The following IL17REL variants were observed in gnomAD, a reference collection of about 807,000 sequenced individuals.
The protein encoded by IL17REL is interleukin-17 receptor E-like protein.
In IL17REL, 36 loss-of-function variants were observed where a neutral mutation model predicts 49.0. The observed-to-expected ratio is 0.73, with a 90% CI of 0.56 to 0.97. IL17REL has a LOEUF of 0.97. Ranked by LOEUF, IL17REL falls within the 50% of genes least tolerant of loss-of-function variation. The pLI, the probability that IL17REL is intolerant of heterozygous loss-of-function variation, is 0.00. For synonymous variants in IL17REL, 206 were observed against 192.4 expected (o/e 1.07, Z -0.58); for missense variants, 470 against 453.9 (o/e 1.04, Z -0.32).
exon 5 of IL17REL, chr22:49,999,837 G>A: frequency 1.3e-6 from 2 of 1,518,102 alleles, no homozygotes; most frequent in Non-Finnish European, 8.8e-7. Context: ...CTCGCACAGG[G>A]GCGCCGGCGT....
At position 49,998,181 on chromosome 22, in the gene IL17REL, CG is replaced by C; in HGVS notation, c.729del (p.Gly244AlafsTer29). 10 of 1,610,354 alleles carry C rather than the reference CG, an allele frequency of 6.2e-6. No individual in the cohort carries two copies. The highest frequency in any genetic ancestry group is 8.5e-6 in the Non-Finnish European group (10 of 1,178,932). ...CTGGATTGCTGCAGCTTACGGCAGC[CG>C]GCCCCCGGCCCCGGGCGCCAGCACA... On this transcript the variant is annotated frameshift_variant, in exon 8 of 13. Coordinates refer to ENST00000341280, the Ensembl canonical transcript of IL17REL. LOFTEE classifies it high-confidence loss of function.
At chr22:50,000,440 GA>G (rs754957736) in intron 4 of IL17REL, 37 bp downstream of exon 5, 49 of 1,507,384 alleles carry the variant, frequency 3.3e-5, no homozygotes, top group Non-Finnish European at 4.1e-5. Context: ...CCTGGAGGCT[GA>G]ACGGTAGCTG....
At chr22:49,992,532 A>G (rs912469679), downstream of IL17REL, among the ~76,000 whole-genome samples, 4 of 152,188 alleles carry the variant, frequency 2.6e-5, no homozygotes, top group Admixed American at 6.5e-5. Context: ...GGCTCAAACA[A>G]TCCTCCTGCC....
chr22:50,011,802 C>T (rs545538160), upstream of IL17REL, among the ~76,000 whole-genome samples: 1 of 152,360 alleles, frequency 6.6e-6, no homozygotes, highest in East Asian at 1.9e-4. Context: ...CTGGACCCGT[C>T]TCAGGCCCTG....
chr22:49,999,893 G>A, exon 5 of IL17REL: 2 of 1,542,088 alleles, frequency 1.3e-6, no homozygotes, highest in Middle Eastern at 3.7e-4. Context: ...TAGTAGTCGG[G>A]GCTCCCGGAG....
intron 1 of IL17REL, among the ~76,000 whole-genome samples, chr22:50,004,643 C>T (rs1371816737): frequency 2.1e-4 from 31 of 151,208 alleles, no homozygotes; most frequent in East Asian, 1.6e-3. Context: ...GGCAGATCAC[C>T]AGAGGTCAGG....
chr22:49,997,299 A>G, intron 11 of IL17REL, 21 bp downstream of exon 13: 2 of 1,607,888 alleles, frequency 1.2e-6, no homozygotes, highest in Non-Finnish European at 8.5e-7. Context: ...CCCAGGATGG[A>G]GCCCCACTCT....
In IL17REL at chr22:49,999,279, C is replaced by T. The variant is rs1417648555; in HGVS notation, c.601+12G>A. ...CCCACCCTTCCGCCCGTTGGCATCGCAGGACACTTGCCGTTTTCAAAGGGG... is the reference window on the plus strand; with the variant it reads ...CCCACCCTTCCGCCCGTTGGCATCGTAGGACACTTGCCGTTTTCAAAGGGG... On this transcript the variant is annotated intron_variant, in intron 7 of 12. Transcript: ENST00000341280. 3.1e-6 allele frequency: 5 copies of T among 1,612,914 alleles called. No homozygotes were observed. Among genetic ancestry groups the T allele is most frequent in the Admixed American group, 1.7e-5 (1 of 60,016 alleles).
chr22:50,000,680 G>A (rs1569209850), intron 3 of IL17REL, 74 bp downstream of exon 4: 8 of 1,543,078 alleles, frequency 5.2e-6, no homozygotes, highest in Admixed American at 3.5e-5. Context: ...GGAGCTTAGA[G>A]CCAGGGATGG....
chr22:49,992,320 G>A (rs139833848), downstream of IL17REL, among the ~76,000 whole-genome samples: 36 of 152,312 alleles, frequency 2.4e-4, no homozygotes, highest in East Asian at 5.0e-3. Flanking sequence ...CTGCTCTTCC[G>A]TGAGGCAGTC....
At chr22:50,009,813 T>C (rs531111340), upstream of IL17REL, among the ~76,000 whole-genome samples, 6 of 152,192 alleles carry the variant, frequency 3.9e-5, no homozygotes, top group African/African-American at 1.4e-4. Flanking sequence ...GGAATATGTT[T>C]AGATTTACAG....
chr22:50,008,382 A>G (rs992309874), intron 1 of IL17REL, among the ~76,000 whole-genome samples: 1 of 152,192 alleles, frequency 6.6e-6, no homozygotes, highest in Non-Finnish European at 1.5e-5. Flanking sequence ...GCAACGAGGC[A>G]TTGTGCGTTA....
intron 1 of IL17REL, among the ~76,000 whole-genome samples, chr22:50,002,971 A>T (rs997618375): frequency 3.9e-5 from 6 of 152,226 alleles, no homozygotes; most frequent in African/African-American, 1.4e-4. Flanking sequence ...AAACGGCCAC[A>T]GTGAGCTCTG....
intron 1 of IL17REL, among the ~76,000 whole-genome samples, chr22:50,004,633 GGC>G (rs1185994316): frequency 2.2e-4 from 34 of 152,024 alleles, no homozygotes; most frequent in East Asian, 1.7e-3. Context: ...GGCCGAGGAG[GGC>G]AGATCACCAG....
intron 1 of IL17REL, among the ~76,000 whole-genome samples, chr22:50,003,184 G>A (rs1288932099): frequency 6.6e-6 from 1 of 152,192 alleles, no homozygotes; most frequent in African/African-American, 2.4e-5. Flanking sequence ...ATGAACACAG[G>A]CATGTGAGGG....
At chr22:50,000,442 A>G (rs1177731888) in intron 4 of IL17REL, 36 bp downstream of exon 5, 3 of 1,515,500 alleles carry the variant, frequency 2.0e-6, no homozygotes, top group South Asian at 1.1e-5. Context: ...TGGAGGCTGA[A>G]CGGTAGCTGT....
upstream of IL17REL, among the ~76,000 whole-genome samples, chr22:50,010,001 TCA>T (rs2061130180): frequency 6.6e-6 from 1 of 152,298 alleles, no homozygotes; most frequent in African/African-American, 2.4e-5. Flanking sequence ...TGGTGTGGAA[TCA>T]CGTGCTACTA....
rs398121907 is a variant in IL17REL at position 50,007,544 on chromosome 22, T to TG, written c.-42+1092dup. Among the ~76,000 whole-genome samples the TG allele has an allele frequency of 7.6e-3, 1,145 of 150,172 alleles. 15 individuals are homozygous for TG. Among genetic ancestry groups the TG allele is most frequent in the African/African-American group, 0.025 (1,005 of 40,790 alleles). On this transcript the variant is annotated intron_variant, in intron 1 of 12. Transcript: ENST00000341280. ...TGCCACCACACTCAGTTAATTTTTTTGGGGGGGGGATTCTTAGTACAGACA... is the reference window on the plus strand; with the variant it reads ...TGCCACCACACTCAGTTAATTTTTTTGGGGGGGGGGATTCTTAGTACAGACA...
At chr22:50,005,485 G>A (rs911372656) in intron 1 of IL17REL, among the ~76,000 whole-genome samples, 1 of 152,118 alleles carries the variant, frequency 6.6e-6, no homozygotes, top group Non-Finnish European at 1.5e-5. Context: ...CAGAGGAGGA[G>A]GCTGAGGACA....
Sources: gnomAD v4.1 joint callset for allele counts (sites outside exome capture counted in the v4.1 genomes callset) on GRCh38, gnomAD v4.1.1 for gene constraint, MANE v1.5 for transcripts, NCBI Gene and HGNC (gene_info 2026-07-23, HGNC 2026-07-21) for gene names.